Variants in PTPRA observed in about 807,000 individuals in gnomAD.
PTPRA encodes the protein protein tyrosine phosphatase receptor type A.
A neutral mutation model predicts 104.8 loss-of-function variants in PTPRA; 25 were observed. That is an observed-to-expected ratio of 0.24 (90% confidence interval 0.17 to 0.33). The LOEUF (loss-of-function observed/expected upper bound fraction) is 0.33, where lower values mean the gene tolerates loss of function less well. PTPRA is among the 10% of genes least tolerant of loss of function. The probability of loss-of-function intolerance (pLI) is 1.00; values close to 1 mark genes in which losing one functional copy is unlikely to be tolerated. For synonymous variants in PTPRA, 323 were observed against 368.9 expected (o/e 0.88, Z 1.43); for missense variants, 765 against 1,015.3 (o/e 0.75, Z 3.35).
At chr20:2,884,800 T>A (rs1199941147) in intron 1 of PTPRA, among the ~76,000 whole-genome samples, 1 of 120,822 alleles carries the variant, frequency 8.3e-6, no homozygotes, top group Non-Finnish European at 1.6e-5. Flanking sequence ...TCTGGTTTTT[T>A]TTGTTTTTTT....
chr20:2,901,400 T>C (rs1436665503), intron 1 of PTPRA, among the ~76,000 whole-genome samples: 1 of 152,170 alleles, frequency 6.6e-6, no homozygotes, highest in East Asian at 1.9e-4. Flanking sequence ...TGTACAATAA[T>C]GTATTTTTAG....
intron 9 of PTPRA, among the ~76,000 whole-genome samples, chr20:2,992,410 G>A (rs916410911): frequency 3.9e-5 from 6 of 152,102 alleles, no homozygotes; most frequent in Non-Finnish European, 5.9e-5. Flanking sequence ...CCAGCTACTC[G>A]GGAGGTTGAG....
chr20:2,876,382 C>T (rs887620623), intron 1 of PTPRA, among the ~76,000 whole-genome samples: 3 of 152,182 alleles, frequency 2.0e-5, no homozygotes, highest in African/African-American at 7.2e-5. Flanking sequence ...GTTTATATGG[C>T]CTTCCATAGA....
At chr20:2,953,881 A>G (rs1187247702) in intron 3 of PTPRA, among the ~76,000 whole-genome samples, 2 of 150,350 alleles carry the variant, frequency 1.3e-5, no homozygotes, top group Non-Finnish European at 3.0e-5. Context: ...GTGAGCCACC[A>G]TGCACAGCCA....
At chr20:3,002,140 C>CA (rs1034275737) in intron 9 of PTPRA, among the ~76,000 whole-genome samples, 52 of 145,592 alleles carry the variant, frequency 3.6e-4, no homozygotes, top group African/African-American at 5.8e-4. Flanking sequence ...ACCCTGTCTC[C>CA]AAAAAAAAAC....
chr20:2,870,378 GA>G (rs931965886), upstream of PTPRA, among the ~76,000 whole-genome samples: 18 of 148,440 alleles, frequency 1.2e-4, no homozygotes, highest in African/African-American at 2.7e-4. Context: ...TCAAAAAAAA[GA>G]AAAAAAAAAC....
intron 9 of PTPRA, among the ~76,000 whole-genome samples, chr20:2,998,097 G>C (rs1196001487): frequency 6.7e-6 from 1 of 149,934 alleles, no homozygotes; most frequent in Non-Finnish European, 1.5e-5. Context: ...TAACTTTATA[G>C]AGCTGCAGGA....
intron 2 of PTPRA, among the ~76,000 whole-genome samples, chr20:2,926,844 A>G (rs111302581): frequency 7.5e-6 from 1 of 133,446 alleles, no homozygotes; most frequent in Admixed American, 9.2e-5. Context: ...AGGCTGGAGT[A>G]CAGTGGTGTG....
intron 2 of PTPRA, among the ~76,000 whole-genome samples, chr20:2,928,031 A>G (rs571282911): frequency 1.1e-4 from 17 of 152,314 alleles, no homozygotes; most frequent in East Asian, 3.9e-4. Flanking sequence ...CAGTCAATCA[A>G]TCTATCTTAC....
At chr20:2,928,830 CTTTT>C (rs762180655) in intron 2 of PTPRA, among the ~76,000 whole-genome samples, 38 of 135,424 alleles carry the variant, frequency 2.8e-4, no homozygotes, top group African/African-American at 9.5e-4. Context: ...TTTTTTCTCT[CTTTT>C]TTTTTTTTTT....
intron 2 of PTPRA, among the ~76,000 whole-genome samples, chr20:2,932,480 G>T (rs902880692): frequency 6.6e-6 from 1 of 152,182 alleles, no homozygotes; most frequent in East Asian, 1.9e-4. Context: ...TGGAAAAATG[G>T]AAAGTACCAG....
chr20:2,996,350 G>C (rs1448588051), intron 9 of PTPRA, among the ~76,000 whole-genome samples: 1 of 152,166 alleles, frequency 6.6e-6, no homozygotes, highest in Non-Finnish European at 1.5e-5. Context: ...AGGTATGACT[G>C]TGTTTGGATC....
chr20:2,940,502 A>G (rs1453115879), intron 2 of PTPRA, among the ~76,000 whole-genome samples: 1 of 152,142 alleles, frequency 6.6e-6, no homozygotes. Context: ...TTGGCAAACT[A>G]TAATCTGTTT....
rs770598077 is a variant in PTPRA at position 2,964,902 on chromosome 20, A to G, written c.115A>G (p.Thr39Ala). The change falls in exon 5 of 24, where the codon ACG becomes GCG. Residue 39 changes from threonine to alanine, a missense_variant. Coordinates refer to ENST00000399903, the MANE Select transcript of PTPRA (RefSeq NM_001385305.1). Reference sequence around the variant, plus strand: ...AATTACAAGATTAATTAACTCATCAACGGCAGAACCAGTTAAAGAAGAGGC... The same window carrying G: ...AATTACAAGATTAATTAACTCATCAGCGGCAGAACCAGTTAAAGAAGAGGC... ...VGITRLINSS[T>A]AEPVKEEAKT... The G allele has an allele frequency of 1.2e-6, 2 of 1,614,084 alleles. No homozygotes were observed. Among genetic ancestry groups the G allele is most frequent in the African/African-American group, 1.3e-5 (1 of 75,046 alleles).
Position 2,948,013 on chromosome 20 carries a change from T to G in PTPRA, c.-18T>G. 9.2e-7 allele frequency: 1 copy of G among 1,088,294 alleles called. No homozygotes were observed. Among genetic ancestry groups the G allele is most frequent in the Non-Finnish European group, 1.2e-6 (1 of 810,862 alleles). The allele number at this position is 1,088,294 out of a possible 1,614,324, so 67.4% of individuals were successfully genotyped here. A position where few individuals can be genotyped will look rare whatever the true frequency, so the allele number is the denominator to read the frequency against. Reference sequence around the variant, plus strand: ...TGTTCAAAGAGCATAATTAACTTTTTAAAAGAAGCTAGTAAGTACTGAAAT... The same window carrying G: ...TGTTCAAAGAGCATAATTAACTTTTGAAAAGAAGCTAGTAAGTACTGAAAT... On this transcript the variant is annotated 5_prime_UTR_variant, in exon 3 of 24. An upstream open reading frame in the 5' UTR gains an earlier in-frame stop. Coordinates refer to ENST00000399903, the MANE Select transcript of PTPRA (RefSeq NM_001385305.1).
chr20:2,911,490 G>A (rs1427422390), intron 1 of PTPRA, among the ~76,000 whole-genome samples: 1 of 152,132 alleles, frequency 6.6e-6, no homozygotes, highest in Non-Finnish European at 1.5e-5. Context: ...CTATGTTGAT[G>A]ATGTCATTAA....
Position 2,950,500 on chromosome 20 carries a change from G to T in PTPRA, c.-7+2476G>T, listed in dbSNP as rs750901360. On this transcript the variant is annotated intron_variant, in intron 3 of 23. Coordinates refer to ENST00000399903, the MANE Select transcript of PTPRA (RefSeq NM_001385305.1). This position sits in a 1 kb window ranked among gnomAD's most constrained non-coding sequence, Gnocchi z 4.0. ...AAAAATACAAAAAAAAAAATTAGCC[G>T]GGCGTGGTGGCAGGCACCTGTAGTC... Among the ~76,000 whole-genome samples the T allele has an allele frequency of 6.6e-6, 1 of 151,788 alleles. No homozygotes were observed. The highest frequency in any genetic ancestry group is 1.5e-5 in the Non-Finnish European group (1 of 67,940).
chr20:2,981,043 G>T (rs1044371556), intron 6 of PTPRA, among the ~76,000 whole-genome samples: 1 of 151,910 alleles, frequency 6.6e-6, no homozygotes, highest in Non-Finnish European at 1.5e-5. Flanking sequence ...CACTACTATG[G>T]TTTTTTTCTG....
chr20:3,034,013 G>A (rs837057), intron 20 of PTPRA, among the ~76,000 whole-genome samples: 151,480 of 152,104 alleles, frequency 1, 75,431 homozygotes, highest in East Asian at 1. Flanking sequence ...TCACGCCTGT[G>A]TAATCCTACC....
Sources: gnomAD v4.1 joint callset for allele counts (sites outside exome capture counted in the v4.1 genomes callset) on GRCh38, gnomAD v4.1.1 for gene constraint, Gnocchi (gnomAD v3.1) non-coding constraint, MANE v1.5 for transcripts, NCBI Gene and HGNC (gene_info 2026-07-23, HGNC 2026-07-21) for gene names.